KIF26B: variants seen among roughly 807,000 people sequenced by gnomAD.
KIF26B encodes kinesin-like protein KIF26B.
In KIF26B, 63 loss-of-function variants were observed where a neutral mutation model predicts 151.2. The ratio of observed to expected loss-of-function variants is 0.42; its 90% CI spans 0.34 to 0.51. The LOEUF (loss-of-function observed/expected upper bound fraction) is 0.51, where lower values mean the gene tolerates loss of function less well. Among genes scored for constraint, KIF26B ranks in the 20% least tolerant of loss-of-function variants. The pLI, the probability that KIF26B is intolerant of heterozygous loss-of-function variation, is 0.07. For missense variants in KIF26B, 2,813 were observed against 2,913.6 expected, an observed-to-expected ratio of 0.97 and a Z score of 0.79; for synonymous variants, 1,357 against 1,262.1, an observed-to-expected ratio of 1.08 and a Z score of -1.59.
chr1:245,455,761 G>T (rs1019713416), intron 4 of KIF26B, among the ~76,000 whole-genome samples: 3 of 152,206 alleles, frequency 2.0e-5, no homozygotes, highest in Non-Finnish European at 4.4e-5. Context: ...TGGTTGGGAA[G>T]TTCTGTTCTG....
At chr1:245,612,336 C>G (rs1305254419) in intron 9 of KIF26B, among the ~76,000 whole-genome samples, 1 of 152,086 alleles carries the variant, frequency 6.6e-6, no homozygotes, top group Non-Finnish European at 1.5e-5. Context: ...TGGTCTAGAA[C>G]TCCCGGTCTT....
intron 3 of KIF26B, among the ~76,000 whole-genome samples, chr1:245,403,997 G>C (rs1224160734): frequency 2.0e-5 from 3 of 152,130 alleles, no homozygotes; most frequent in African/African-American, 7.2e-5. Flanking sequence ...ATTGATTCCA[G>C]ACTCTGGATC....
At chr1:245,558,425 A>G (rs1192014378) in intron 5 of KIF26B, among the ~76,000 whole-genome samples, 1 of 152,120 alleles carries the variant, frequency 6.6e-6, no homozygotes, top group African/African-American at 2.4e-5. Context: ...GGCCCTCCCC[A>G]TCTTCCTCCT....
chr1:245,206,861 T>C (rs1402307692), intron 2 of KIF26B: 3 of 152,252 alleles, frequency 2.0e-5, no homozygotes, highest in African/African-American at 7.2e-5. Flanking sequence ...TGAAAATGTT[T>C]TTCTGTTTTT....
At chr1:245,370,796 G>C (rs767283166) in intron 3 of KIF26B, 6 of 365,656 alleles carry the variant, frequency 1.6e-5, no homozygotes, top group Admixed American at 3.4e-5. Context: ...CAATGATTCT[G>C]TTCTTCCTCT....
At chr1:245,522,141 T>C (rs1461790637) in intron 4 of KIF26B, among the ~76,000 whole-genome samples, 4 of 152,118 alleles carry the variant, frequency 2.6e-5, no homozygotes, top group South Asian at 2.1e-4. Flanking sequence ...AGTGCTGGGA[T>C]TACAGGTGTG....
intron 2 of KIF26B, among the ~76,000 whole-genome samples, chr1:245,300,520 TTTTTTTC>T (rs1671411812): frequency 1.3e-5 from 2 of 151,426 alleles, no homozygotes; most frequent in South Asian, 4.2e-4. Flanking sequence ...AATGAATTAT[TTTTTTTC>T]TTTTTTCTTT....
At chr1:245,306,266 A>G (rs1671537962) in intron 2 of KIF26B, among the ~76,000 whole-genome samples, 1 of 152,210 alleles carries the variant, frequency 6.6e-6, no homozygotes, top group South Asian at 2.1e-4. Flanking sequence ...ATGGTAAGTG[A>G]AAGAACCTAG....
At chr1:245,372,684 C>T (rs1673156394) in intron 3 of KIF26B, among the ~76,000 whole-genome samples, 2 of 152,176 alleles carry the variant, frequency 1.3e-5, no homozygotes, top group Admixed American at 6.5e-5. Context: ...ATGGCAGCTG[C>T]TTTTGCCTGA....
chr1:245,543,934 C>T (rs12408047), intron 5 of KIF26B, among the ~76,000 whole-genome samples: 19,470 of 152,006 alleles, frequency 0.13, 1,440 homozygotes, highest in East Asian at 0.26. Flanking sequence ...GACGACAGAG[C>T]GAGACTCCAT....
intron 2 of KIF26B, among the ~76,000 whole-genome samples, chr1:245,185,865 ATTATTTTATTTTATT>A (rs1173099964): frequency 6.6e-6 from 1 of 151,288 alleles, no homozygotes; most frequent in Non-Finnish European, 1.5e-5. Context: ...TTTTCTTTTT[ATTATTTTATTTTATT>A]TTATTTTATT....
intron 2 of KIF26B, among the ~76,000 whole-genome samples, chr1:245,157,579 C>A (rs915116277): frequency 6.6e-6 from 1 of 152,204 alleles, no homozygotes; most frequent in African/African-American, 2.4e-5. Flanking sequence ...GCCCAACCTG[C>A]GTATGCAGAT....
intron 2 of KIF26B, among the ~76,000 whole-genome samples, chr1:245,229,022 A>C (rs1194902775): frequency 6.6e-6 from 1 of 152,184 alleles, no homozygotes; most frequent in Non-Finnish European, 1.5e-5. Context: ...GCTGGAGTGC[A>C]ATGATGCAAT....
At chr1:245,405,120 G>C (rs1674103329) in intron 3 of KIF26B, among the ~76,000 whole-genome samples, 2 of 152,202 alleles carry the variant, frequency 1.3e-5, no homozygotes, top group Admixed American at 1.3e-4. Context: ...CATGGGTCTG[G>C]TGACGAGATT....
At chr1:245,211,883 G>A (rs73127131) in intron 2 of KIF26B, among the ~76,000 whole-genome samples, 2,102 of 152,284 alleles carry the variant, frequency 0.014, 37 homozygotes, top group African/African-American at 0.042. Flanking sequence ...GCACCGCACC[G>A]TATCAAATGC....
intron 5 of KIF26B, among the ~76,000 whole-genome samples, chr1:245,570,127 G>A (rs2043053141): frequency 2.0e-5 from 3 of 151,552 alleles, no homozygotes; most frequent in South Asian, 4.2e-4. Context: ...TAGTAGAGAC[G>A]GGGTTTCATC....
chr1:245,156,075 C>A lies in KIF26B; in HGVS notation c.64-207C>A, dbSNP rs566871525. On this transcript the variant is annotated intron_variant, in intron 1 of 14. Coordinates refer to ENST00000407071, the MANE Select transcript of KIF26B (RefSeq NM_018012.4). ...CCAGGAGGAGGCCACCGGGGACCAG[C>A]GCAGGGGTCACCTGGGCGGTGGGGA... Among the ~76,000 whole-genome samples, 5 of 152,278 alleles carry A rather than the reference C, an allele frequency of 3.3e-5. No homozygotes were observed. In the South Asian group the frequency reaches 8.3e-4, roughly 25 times the overall value.
intron 9 of KIF26B, among the ~76,000 whole-genome samples, chr1:245,643,000 G>A (rs1165443575): frequency 6.6e-6 from 1 of 152,168 alleles, no homozygotes; most frequent in Non-Finnish European, 1.5e-5. Flanking sequence ...AAATGGGATA[G>A]GTCTTTGACT....
chr1:245,264,363 T>C (rs1670702573), intron 2 of KIF26B, among the ~76,000 whole-genome samples: 1 of 152,222 alleles, frequency 6.6e-6, no homozygotes, highest in African/African-American at 2.4e-5. Context: ...CTAATGCTGA[T>C]GACTGTCTTT....
Sources: gnomAD v4.1 joint callset for allele counts (sites outside exome capture counted in the v4.1 genomes callset) on GRCh38, gnomAD v4.1.1 for gene constraint, MANE v1.5 for transcripts, NCBI Gene and HGNC (gene_info 2026-07-23, HGNC 2026-07-21) for gene names.